PTPDC1: variants seen among roughly 807,000 people sequenced by gnomAD.
PTPDC1 encodes the protein protein tyrosine phosphatase domain-containing protein 1.
In PTPDC1, 53 loss-of-function variants were observed where a neutral mutation model predicts 75.3. The ratio of observed to expected loss-of-function variants is 0.70; its 90% CI spans 0.56 to 0.88. The LOEUF (loss-of-function observed/expected upper bound fraction) is 0.88, where lower values mean the gene tolerates loss of function less well. PTPDC1 is among the 40% of genes least tolerant of loss of function. The probability of loss-of-function intolerance (pLI) is 0.00; values close to 1 mark genes in which losing one functional copy is unlikely to be tolerated. For synonymous variants in PTPDC1, 349 were observed against 366.2 expected, an observed-to-expected ratio of 0.95 and a Z score of 0.54; for missense variants, 925 against 998.6, an observed-to-expected ratio of 0.93 and a Z score of 0.99.
intron 1 of PTPDC1, among the ~76,000 whole-genome samples, chr9:94,060,184 A>G (rs780873117): frequency 4.6e-5 from 7 of 152,248 alleles, no homozygotes; most frequent in Non-Finnish European, 8.8e-5. Context: ...CTTTAGATAT[A>G]TGGAAGAAAG....
chr9:94,091,057 A>G (rs907796380), intron 4 of PTPDC1, among the ~76,000 whole-genome samples: 5 of 151,886 alleles, frequency 3.3e-5, no homozygotes, highest in African/African-American at 7.3e-5. Context: ...TCTTTTCCCA[A>G]TTGAATACCC....
At chr9:94,041,751 A>G (rs997039428) in intron 1 of PTPDC1, among the ~76,000 whole-genome samples, 6 of 152,156 alleles carry the variant, frequency 3.9e-5, no homozygotes, top group Non-Finnish European at 7.3e-5. Context: ...TTTTCTGGCA[A>G]TACATGATGC....
chr9:94,089,813 A>T (rs1187326682), intron 4 of PTPDC1, among the ~76,000 whole-genome samples: 23 of 74,080 alleles, frequency 3.1e-4, no homozygotes, highest in South Asian at 1.7e-3. Context: ...TTTGATTTGC[A>T]TTTCTCTGAT....
At position 94,075,500 on chromosome 9, in the gene PTPDC1, C is replaced by G. The variant is rs894777770; in HGVS notation, c.83-9751C>G. On this transcript the variant is annotated intron_variant, in intron 2 of 9. Transcript: ENST00000375360. Reference sequence around the variant, plus strand: ...TTCAGTCGTTAGGTCACATATTCCACAGACCTTTGGCAAAGGGGGACAGGC... The same window carrying G: ...TTCAGTCGTTAGGTCACATATTCCAGAGACCTTTGGCAAAGGGGGACAGGC... Among the ~76,000 whole-genome samples the G allele has an allele frequency of 1.3e-4, 20 of 152,290 alleles. 1 individual carries two copies. The highest frequency in any genetic ancestry group is 1.2e-3 in the Admixed American group (18 of 15,286).
intron 1 of PTPDC1, among the ~76,000 whole-genome samples, chr9:94,061,078 T>G (rs1826114379): frequency 6.6e-6 from 1 of 152,042 alleles, no homozygotes; most frequent in Non-Finnish European, 1.5e-5. Context: ...AAAACCAGAT[T>G]AGTTACTTCT....
chr9:94,032,812 G>T (rs1829752733), intron 1 of PTPDC1, among the ~76,000 whole-genome samples: 1 of 151,872 alleles, frequency 6.6e-6, no homozygotes, highest in African/African-American at 2.4e-5. Context: ...ACCACACCTG[G>T]CCTCACAGTT....
chr9:94,090,339 C>G (rs1827267118), intron 4 of PTPDC1, among the ~76,000 whole-genome samples: 1 of 146,888 alleles, frequency 6.8e-6, no homozygotes, highest in East Asian at 2.0e-4. Context: ...AATAGGGAAT[C>G]CTTTCCCCAT....
chr9:94,043,543 C>T (rs1825495175), intron 1 of PTPDC1, among the ~76,000 whole-genome samples: 1 of 152,070 alleles, frequency 6.6e-6, no homozygotes, highest in Non-Finnish European at 1.5e-5. Flanking sequence ...CTGAAAATGA[C>T]TCCCCCCCTC....
chr9:94,053,686 G>A (rs893986451), intron 1 of PTPDC1, among the ~76,000 whole-genome samples: 3 of 152,166 alleles, frequency 2.0e-5, no homozygotes, highest in Admixed American at 1.3e-4. Flanking sequence ...TCATGCATCC[G>A]TATCAAGCCT....
chr9:94,102,872 C>T (rs1827891389), intron 7 of PTPDC1, among the ~76,000 whole-genome samples: 1 of 152,120 alleles, frequency 6.6e-6, no homozygotes, highest in African/African-American at 2.4e-5. Context: ...GCCACCATGC[C>T]AGGCCTGTTT....
chr9:94,084,461 C>G, upstream of PTPDC1: 1 of 1,585,864 alleles, frequency 6.3e-7, no homozygotes, highest in Non-Finnish European at 8.5e-7. Context: ...GCTCCCTGCT[C>G]TCAGTGAAAG....
intron 2 of PTPDC1, among the ~76,000 whole-genome samples, chr9:94,076,522 T>A (rs1488815549): frequency 1.3e-5 from 2 of 152,242 alleles, no homozygotes; most frequent in Non-Finnish European, 2.9e-5. Context: ...TCAGTGCTGC[T>A]TCCTTTTTAT....
In PTPDC1 at chr9:94,097,819, C is replaced by T. The variant is rs1279505038; in HGVS notation, c.1253C>T (p.Ser418Phe). The T allele has an allele frequency of 6.2e-7, 1 of 1,614,186 alleles. No homozygotes were observed. The highest frequency in any genetic ancestry group is 1.1e-5 in the South Asian group (1 of 91,068). The change falls in exon 6 of 9, where the codon TCC (serine) becomes TTC (phenylalanine). Residue 418 changes from serine (S) to phenylalanine (F), a missense_variant. Physicochemically the swap from Ser to Phe is radical, Grantham distance 155. Coordinates refer to ENST00000620992, the MANE Select transcript of PTPDC1 (RefSeq NM_001253829.2). ...ADFDNRGMIF[S>F]NEQQFDPLWK... ...TTTGACAATCGAGGCATGATTTTCTCCAATGAGCAACAGTTTGACCCTCTT... is the reference window on the plus strand; with the variant it reads ...TTTGACAATCGAGGCATGATTTTCTTCAATGAGCAACAGTTTGACCCTCTT...
chr9:94,062,241 C>T (rs893594792), intron 1 of PTPDC1, among the ~76,000 whole-genome samples: 4 of 152,188 alleles, frequency 2.6e-5, no homozygotes, highest in Non-Finnish European at 5.9e-5. Context: ...GTGACTGTTG[C>T]TCCAGTTCCC....
chr9:94,074,069 T>C (rs980149143), intron 2 of PTPDC1, among the ~76,000 whole-genome samples: 4 of 152,238 alleles, frequency 2.6e-5, no homozygotes, highest in African/African-American at 9.6e-5. Context: ...TGATTGTTTC[T>C]TATGATTCAA....
At chr9:94,083,349 A>G (rs1225153256), upstream of PTPDC1, among the ~76,000 whole-genome samples, 1 of 152,204 alleles carries the variant, frequency 6.6e-6, no homozygotes, top group African/African-American at 2.4e-5. Context: ...AGGAATTTGG[A>G]CACCAAATCG....
chr9:94,060,195 G>A (rs1038338481), intron 1 of PTPDC1, among the ~76,000 whole-genome samples: 12 of 152,168 alleles, frequency 7.9e-5, no homozygotes, highest in African/African-American at 2.9e-4. Flanking sequence ...TGGAAGAAAG[G>A]GTGTATTGTT....
chr9:94,044,608 G>A (rs569570931), intron 1 of PTPDC1, among the ~76,000 whole-genome samples: 1 of 152,278 alleles, frequency 6.6e-6, no homozygotes, highest in South Asian at 2.1e-4. Context: ...ACTCACCTGT[G>A]CGGGAGTTAT....
upstream of PTPDC1, chr9:94,084,458 G>T: frequency 6.3e-7 from 1 of 1,583,268 alleles, no homozygotes; most frequent in Non-Finnish European, 8.5e-7. Context: ...AATGCTCCCT[G>T]CTCTCAGTGA....
Sources: allele counts gnomAD v4.1 joint callset (sites outside exome capture counted in the v4.1 genomes callset), GRCh38; gene constraint gnomAD v4.1.1; transcripts MANE v1.5; gene names NCBI Gene and HGNC (gene_info 2026-07-23, HGNC 2026-07-21).